The following CTNS variants were observed in gnomAD, a reference collection of about 807,000 sequenced individuals.
CTNS encodes cystinosin, lysosomal cystine transporter, also known as cystinosin.
A neutral mutation model predicts 43.7 loss-of-function variants in CTNS; 27 were observed. The ratio of observed to expected loss-of-function variants is 0.62; its 90% CI spans 0.46 to 0.85. The LOEUF (loss-of-function observed/expected upper bound fraction) is 0.85, where lower values mean the gene tolerates loss of function less well. Among genes scored for constraint, CTNS ranks in the 40% least tolerant of loss-of-function variants. CTNS has a pLI of 0.00. For synonymous variants in CTNS, 187 were observed against 190.6 expected, an observed-to-expected ratio of 0.98 and a Z score of 0.16; for missense variants, 457 against 475.4, an observed-to-expected ratio of 0.96 and a Z score of 0.36.
chr17:3,652,932 G>T (rs755295638), intron 5 of CTNS, among the ~76,000 whole-genome samples: 1 of 152,168 alleles, frequency 6.6e-6, no homozygotes, highest in Non-Finnish European at 1.5e-5. Context: ...GATTTCTGAT[G>T]CTAAGAACAA....
At chr17:3,650,353 G>A (rs2075951332) in intron 5 of CTNS, 1 of 1,545,518 alleles carries the variant, frequency 6.5e-7, no homozygotes, top group African/African-American at 1.4e-5. Context: ...GCAGAGATGT[G>A]CACCTGTAAT....
chr17:3,652,416 A>G (rs2076009147), intron 5 of CTNS, among the ~76,000 whole-genome samples: 1 of 152,044 alleles, frequency 6.6e-6, no homozygotes, highest in Admixed American at 6.6e-5. Context: ...ACATGATGAA[A>G]CCCAGTCTCT....
intron 4 of CTNS, among the ~76,000 whole-genome samples, chr17:3,648,282 T>A (rs922958448): frequency 1.3e-5 from 2 of 152,178 alleles, no homozygotes; most frequent in Non-Finnish European, 2.9e-5. Context: ...CTGCAAATCT[T>A]ACAAGTCATC....
chr17:3,641,681 G>A (rs536838636), intron 3 of CTNS, among the ~76,000 whole-genome samples: 9 of 151,870 alleles, frequency 5.9e-5, no homozygotes, highest in Non-Finnish European at 1.0e-4. Flanking sequence ...ATGAGCCACC[G>A]TGCCTGGCCC....
chr17:3,637,430 T>C (rs2075557857), intron 2 of CTNS, 114 bp downstream of exon 2: 1 of 151,826 alleles, frequency 6.6e-6, no homozygotes, highest in African/African-American at 2.4e-5. Context: ...CAAACCATTG[T>C]AATAGCTAGA....
At chr17:3,650,314 G>C in intron 5 of CTNS, 1 of 1,549,194 alleles carries the variant, frequency 6.5e-7, no homozygotes, top group Non-Finnish European at 8.7e-7. Flanking sequence ...GTGGGAACCT[G>C]TGATCTGAAA....
At position 3,658,103 on chromosome 17, in the gene CTNS, C is replaced by T. The variant is rs2150925266; in HGVS notation, c.780C>T (p.Thr260=). Residue 260 remains threonine (T), a synonymous_variant, in exon 10 of 12, where the codon ACC becomes ACT. Coordinates refer to ENST00000046640, the MANE Select transcript of CTNS (RefSeq NM_004937.3). ...VTMIVAAVGV[T]TWLQFLFCFS... ...TGATCGTGGCTGCAGTGGGAGTGACCACGTGGCTGCAGTTTCTCTTCTGCT... is the reference window on the plus strand; with the variant it reads ...TGATCGTGGCTGCAGTGGGAGTGACTACGTGGCTGCAGTTTCTCTTCTGCT... 6.2e-7 allele frequency: 1 copy of T among 1,612,410 alleles called. No homozygotes were observed. The highest frequency in any genetic ancestry group is 2.2e-5 in the East Asian group (1 of 44,878).
In CTNS at chr17:3,661,104, G is replaced by A; in HGVS notation, c.*735G>A. ...CCTCTCTCCTACCTCCACCTTCTCAGATTAGCCCCATCTGAGCACATCCAG... is the reference window on the plus strand; with the variant it reads ...CCTCTCTCCTACCTCCACCTTCTCAAATTAGCCCCATCTGAGCACATCCAG... On this transcript the variant is annotated 3_prime_UTR_variant, in exon 12 of 12. Coordinates refer to ENST00000046640, the MANE Select transcript of CTNS (RefSeq NM_004937.3). The A allele has an allele frequency of 2.8e-6, 1 of 355,638 alleles. No individual in the cohort carries two copies. Among genetic ancestry groups the A allele is most frequent in the Non-Finnish European group, 5.5e-6 (1 of 182,420 alleles). The allele number at this position is 355,638 out of a possible 1,614,324, so 22.0% of individuals were successfully genotyped here. A position where few individuals can be genotyped will look rare whatever the true frequency, so the allele number is the denominator to read the frequency against.
intron 3 of CTNS, among the ~76,000 whole-genome samples, chr17:3,646,686 C>T (rs2075851017): frequency 6.6e-6 from 1 of 152,208 alleles, no homozygotes; most frequent in Non-Finnish European, 1.5e-5. Flanking sequence ...GTCCTCCCGC[C>T]TTGGCCTCCC....
chr17:3,639,662 T>G, intron 2 of CTNS, among the ~76,000 whole-genome samples: 1 of 110,184 alleles, frequency 9.1e-6, no homozygotes, highest in African/African-American at 4.2e-5. Flanking sequence ...AGCAAGACTC[T>G]GTCTCAAAAA....
Position 3,661,153 on chromosome 17 carries a change from G to T in CTNS, c.*784G>T. The T allele has an allele frequency of 3.1e-6, 1 of 318,756 alleles. No homozygotes were observed. The highest frequency in any genetic ancestry group is 6.1e-6 in the Non-Finnish European group (1 of 162,960). 19.7% of individuals were successfully genotyped at this position (318,756 alleles called of 1,614,324 possible). A position where few individuals can be genotyped will look rare whatever the true frequency, so the allele number is the denominator to read the frequency against. On this transcript the variant is annotated 3_prime_UTR_variant, in exon 12 of 12. Transcript: ENST00000046640. The stretch of plus-strand genomic sequence containing the variant: ...AGCTGCTCCTTACCCAGCATCTGGA[G>T]TACAGGACATAGCTCTCTCCTGCTA...
Position 3,653,210 on chromosome 17 carries a change from G to A in CTNS, c.226-1788G>A, listed in dbSNP as rs181674527. ...GTGGATCACCTGAGGTCAGAAGATC[G>A]AGACCAGCCTGGCCAACATGGCGAA... is the stretch of plus-strand genomic sequence containing the variant. On this transcript the variant is annotated intron_variant, in intron 5 of 11. Coordinates refer to ENST00000046640, the MANE Select transcript of CTNS (RefSeq NM_004937.3). 1.5e-4 allele frequency among the ~76,000 whole-genome samples: 23 copies of A among 152,248 alleles called. No individual in the cohort carries two copies. In the East Asian group the frequency reaches 3.7e-3, roughly 24 times the overall value.
chr17:3,641,384 A>ATATATATATATATATATTTTTT (rs1555558526), intron 3 of CTNS, among the ~76,000 whole-genome samples: 3 of 31,206 alleles, frequency 9.6e-5, no homozygotes, highest in African/African-American at 2.3e-4. Flanking sequence ...ATATATATAT[A>ATATATATATATATATATTTTTT]TTTTTTTTTT....
At chr17:3,655,164 G>C in intron 6 of CTNS, 57 bp from the exon 7 acceptor site, 1 of 1,613,978 alleles carries the variant, frequency 6.2e-7, no homozygotes, top group Non-Finnish European at 8.5e-7. Flanking sequence ...TGGGCACGTG[G>C]GAGTCTCCTT....
chr17:3,636,925 G>C (rs2075543110), intron 1 of CTNS, 94 bp downstream of exon 1: 1 of 152,260 alleles, frequency 6.6e-6, no homozygotes, highest in Non-Finnish European at 1.5e-5. Flanking sequence ...AGCGCCCTCA[G>C]CCGCGGCGGG....
intron 3 of CTNS, 70 bp downstream of exon 3, chr17:3,640,337 C>G: frequency 6.8e-7 from 1 of 1,460,538 alleles, no homozygotes; most frequent in Non-Finnish European, 9.6e-7. Flanking sequence ...GTAATCTGAT[C>G]TGTTTGTTGC....
intron 8 of CTNS, 42 bp downstream of exon 8, chr17:3,656,628 G>A (rs1020349553): frequency 4.3e-6 from 7 of 1,612,182 alleles, no homozygotes; most frequent in Non-Finnish European, 5.9e-6. Context: ...ACATGGCGTG[G>A]TGGCCCGGCT....
rs1472080151 is a variant in CTNS at position 3,660,433 on chromosome 17, C to T, written c.*64C>T. On this transcript the variant is annotated 3_prime_UTR_variant, in exon 12 of 12. Transcript: ENST00000046640. ...CCCTGCTGGGGAAGGCCTCACCCAG[C>T]GAAGGCCGGAGAAGCGGTTGGGCCC... is the stretch of plus-strand genomic sequence containing the variant. 14 of 1,613,646 alleles carry T rather than the reference C, an allele frequency of 8.7e-6. No homozygotes were observed. Among genetic ancestry groups the T allele is most frequent in the South Asian group, 5.5e-5 (5 of 90,998 alleles).
intron 2 of CTNS, 69 bp from the exon 3 acceptor site, chr17:3,640,119 G>T: frequency 1.6e-6 from 2 of 1,276,834 alleles, no homozygotes; most frequent in Non-Finnish European, 2.3e-6. Context: ...CCAGAGGGCA[G>T]ATTGTCTACA....
Sources: gnomAD v4.1 joint callset for allele counts (sites outside exome capture counted in the v4.1 genomes callset) on GRCh38, gnomAD v4.1.1 for gene constraint, MANE v1.5 for transcripts, NCBI Gene and HGNC (gene_info 2026-07-23, HGNC 2026-07-21) for gene names.